The following PRIMA1 variants were observed in gnomAD, a reference collection of about 807,000 sequenced individuals.
The protein encoded by PRIMA1 is proline-rich membrane anchor 1.
A neutral mutation model predicts 17.5 loss-of-function variants in PRIMA1; 7 were observed. The ratio of observed to expected loss-of-function variants is 0.40; its 90% confidence interval spans 0.23 to 0.75. The LOEUF is 0.75. PRIMA1 is among the 30% of genes least tolerant of loss of function. The probability of loss-of-function intolerance (pLI) is 0.37; values close to 1 mark genes in which losing one functional copy is unlikely to be tolerated. For missense variants in PRIMA1, 200 were observed against 201.8 expected, an observed-to-expected ratio of 0.99 and a Z score of 0.05; for synonymous variants, 97 against 77.9, an observed-to-expected ratio of 1.25 and a Z score of -1.29.
In PRIMA1 at chr14:93,737,305, C is replaced by T. The variant is rs200260569; in HGVS notation, c.295G>A (p.Val99Ile). Reference sequence around the variant, plus strand: ...AGAAACACCAGGGAGGCACAGCATACGGCAATGATGATCACCAGCCCCGAC... The same window carrying T: ...AGAAACACCAGGGAGGCACAGCATATGGCAATGATGATCACCAGCCCCGAC... The part of the protein sequence containing the change: ...WWSGLVIIIA[V>I]CCASLVFLTV... The change falls in exon 4 of 5, where the codon GTA becomes ATA. Residue 99 changes from valine (V) to isoleucine (I), a missense_variant. Coordinates refer to ENST00000393140, the MANE Select transcript of PRIMA1 (RefSeq NM_178013.4). 194 of 1,613,980 alleles carry T rather than the reference C, an allele frequency of 1.2e-4. 2 individuals are homozygous for T. The highest frequency in any genetic ancestry group is 1.8e-4 in the South Asian group (16 of 91,074).
intron 4 of PRIMA1, among the ~76,000 whole-genome samples, chr14:93,732,075 G>T (rs1442079337): frequency 6.6e-6 from 1 of 152,370 alleles, no homozygotes; most frequent in South Asian, 2.1e-4. Flanking sequence ...TGGTCTTTCT[G>T]CCAATTATAC....
intron 2 of PRIMA1, among the ~76,000 whole-genome samples, chr14:93,782,139 G>A (rs2141196256): frequency 6.6e-6 from 1 of 152,180 alleles, no homozygotes; most frequent in South Asian, 2.1e-4. Flanking sequence ...GTGGCGGTGG[G>A]CACCTGTAGT....
intron 3 of PRIMA1, among the ~76,000 whole-genome samples, chr14:93,769,134 G>A (rs534952996): frequency 8.5e-5 from 13 of 152,176 alleles, no homozygotes; most frequent in Non-Finnish European, 1.3e-4. Flanking sequence ...TGTACAGAGG[G>A]GAATGCAAGG....
intron 4 of PRIMA1, among the ~76,000 whole-genome samples, chr14:93,722,510 G>A (rs1414633157): frequency 2.0e-5 from 3 of 151,850 alleles, no homozygotes; most frequent in African/African-American, 7.3e-5. Flanking sequence ...TGGTGGTGAT[G>A]GTTCGGTTGA....
intron 3 of PRIMA1, among the ~76,000 whole-genome samples, chr14:93,748,568 AC>A (rs912433480): frequency 1.3e-5 from 2 of 151,956 alleles, no homozygotes; most frequent in African/African-American, 4.8e-5. Context: ...AGGCAGCGGC[AC>A]CGGGAGCCTC....
chr14:93,778,650 G>A (rs1162767875), intron 3 of PRIMA1, among the ~76,000 whole-genome samples: 1 of 152,206 alleles, frequency 6.6e-6, no homozygotes, highest in Non-Finnish European at 1.5e-5. Context: ...ACGCTCCTTT[G>A]TTTGAACGAC....
intron 3 of PRIMA1, among the ~76,000 whole-genome samples, chr14:93,756,917 C>T (rs2076294404): frequency 6.6e-6 from 1 of 152,190 alleles, no homozygotes; most frequent in Non-Finnish European, 1.5e-5. Flanking sequence ...AGTCTCTCTG[C>T]CTGCCCTCCA....
Position 93,721,270 on chromosome 14 carries a change from A to G in PRIMA1, c.*174T>C. 1 of 575,596 alleles carries G rather than the reference A, an allele frequency of 1.7e-6. No homozygotes were observed. Among genetic ancestry groups the G allele is most frequent in the Non-Finnish European group, 3.1e-6 (1 of 324,484 alleles). The allele number at this position is 575,596 out of a possible 1,614,324, so 35.7% of individuals were successfully genotyped here. On this transcript the variant is annotated 3_prime_UTR_variant, in exon 5 of 5. Transcript: ENST00000393140. ...TGGTGTCCGAGCTGCCTGGGCCCGCAGGCTGACCAGGGGCAAGCCTGGGAA... is the reference window on the plus strand; with the variant it reads ...TGGTGTCCGAGCTGCCTGGGCCCGCGGGCTGACCAGGGGCAAGCCTGGGAA...
At chr14:93,739,417 A>G (rs2076171054) in intron 3 of PRIMA1, among the ~76,000 whole-genome samples, 1 of 152,208 alleles carries the variant, frequency 6.6e-6, no homozygotes, top group Non-Finnish European at 1.5e-5. Context: ...ACTATCTTGA[A>G]TAGAACTGCT....
At chr14:93,748,341 G>A (rs1045899362) in intron 3 of PRIMA1, among the ~76,000 whole-genome samples, 1 of 152,148 alleles carries the variant, frequency 6.6e-6, no homozygotes, top group Non-Finnish European at 1.5e-5. Context: ...TGTGACGGCT[G>A]CATAGACACA....
intron 3 of PRIMA1, among the ~76,000 whole-genome samples, chr14:93,763,233 C>A (rs1884786899): frequency 1.3e-5 from 2 of 152,188 alleles, no homozygotes; most frequent in African/African-American, 4.8e-5. Flanking sequence ...CCAGCATTGC[C>A]CCTGCCTCCC....
At chr14:93,740,058 C>A (rs2076175313) in intron 3 of PRIMA1, among the ~76,000 whole-genome samples, 1 of 65,024 alleles carries the variant, frequency 1.5e-5, no homozygotes, top group Non-Finnish European at 4.3e-5. Context: ...GAGCAAGACT[C>A]CAGCTAAAAA....
intron 3 of PRIMA1, among the ~76,000 whole-genome samples, chr14:93,743,787 A>G (rs573530969): frequency 1.3e-5 from 2 of 152,324 alleles, no homozygotes; most frequent in South Asian, 4.1e-4. Flanking sequence ...GCTGGTCCTC[A>G]GCGTGTGCAG....
intron 3 of PRIMA1, among the ~76,000 whole-genome samples, chr14:93,740,432 C>G (rs917361149): frequency 1.3e-5 from 2 of 152,204 alleles, no homozygotes; most frequent in African/African-American, 4.8e-5. Flanking sequence ...GCTGGAGAGT[C>G]AGAAATATAG....
intron 3 of PRIMA1, among the ~76,000 whole-genome samples, chr14:93,746,578 C>T (rs1009228508): frequency 5.9e-5 from 9 of 151,868 alleles, no homozygotes; most frequent in Non-Finnish European, 8.8e-5. Context: ...CATGGGGATG[C>T]CATAAGGAGG....
intron 3 of PRIMA1, among the ~76,000 whole-genome samples, chr14:93,754,694 T>C (rs2076280374): frequency 6.6e-6 from 1 of 152,096 alleles, no homozygotes; most frequent in African/African-American, 2.4e-5. Flanking sequence ...AGTCATGAGC[T>C]CCCAGAGCAC....
chr14:93,773,337 C>T (rs1310492838), intron 3 of PRIMA1, among the ~76,000 whole-genome samples: 4 of 152,218 alleles, frequency 2.6e-5, no homozygotes, highest in Non-Finnish European at 5.9e-5. Flanking sequence ...CCCCAAAGCC[C>T]CTTGCTGAGA....
At chr14:93,743,676 T>C (rs973409698) in intron 3 of PRIMA1, among the ~76,000 whole-genome samples, 2 of 152,202 alleles carry the variant, frequency 1.3e-5, no homozygotes, top group African/African-American at 4.8e-5. Flanking sequence ...GGCTGGGAGT[T>C]GTTTCTCTGT....
chr14:93,762,607 C>T (rs1233153199), intron 3 of PRIMA1, among the ~76,000 whole-genome samples: 2 of 152,088 alleles, frequency 1.3e-5, no homozygotes, highest in Non-Finnish European at 2.9e-5. Flanking sequence ...ACCTGTCCCC[C>T]AAGTCACTGT....
Sources: gnomAD v4.1 joint callset for allele counts (sites outside exome capture counted in the v4.1 genomes callset) on GRCh38, gnomAD v4.1.1 for gene constraint, MANE v1.5 for transcripts, NCBI Gene and HGNC (gene_info 2026-07-23, HGNC 2026-07-21) for gene names.